KAT2B: variants seen among roughly 807,000 people sequenced by gnomAD.
KAT2B encodes the protein lysine acetyltransferase 2B, also known as histone acetyltransferase KAT2B.
In KAT2B, 36 loss-of-function variants were observed where a neutral mutation model predicts 105.9. The ratio of observed to expected loss-of-function variants is 0.34; its 90% CI spans 0.26 to 0.45. The LOEUF (loss-of-function observed/expected upper bound fraction) is 0.45, where lower values mean the gene tolerates loss of function less well. Among genes scored for constraint, KAT2B ranks in the 20% least tolerant of loss-of-function variants. KAT2B has a pLI of 1.00. For missense variants in KAT2B, 820 were observed against 1,021.6 expected (o/e 0.80, Z 2.69); for synonymous variants, 397 against 377.9 (o/e 1.05, Z -0.59).
chr3:20,042,568 C>T (rs1697738886), intron 1 of KAT2B, among the ~76,000 whole-genome samples: 1 of 152,236 alleles, frequency 6.6e-6, no homozygotes, highest in African/African-American at 2.4e-5. Context: ...AGGTCAATTA[C>T]TTGGTGGCCT....
intron 3 of KAT2B, among the ~76,000 whole-genome samples, chr3:20,098,101 T>C (rs7647946): frequency 0.4 from 60,618 of 151,494 alleles, 12,680 homozygotes; most frequent in East Asian, 0.64. Context: ...TGGTTGTGTG[T>C]ACCTGTAAAT....
At chr3:20,144,956 C>A (rs1032912221) in intron 13 of KAT2B, among the ~76,000 whole-genome samples, 5 of 152,120 alleles carry the variant, frequency 3.3e-5, no homozygotes, top group South Asian at 4.2e-4. Flanking sequence ...CTACCATGCC[C>A]AGCCCATTTT....
At chr3:20,053,560 T>C (rs1697952538) in intron 1 of KAT2B, among the ~76,000 whole-genome samples, 1 of 151,896 alleles carries the variant, frequency 6.6e-6, no homozygotes. Context: ...ACAAAAAAAC[T>C]CAGGAAGGTA....
In KAT2B at chr3:20,137,024, A is replaced by T. The variant is rs1699614136; in HGVS notation, c.1832A>T (p.Glu611Val). The T allele has an allele frequency of 1.9e-6, 3 of 1,586,396 alleles. No individual in the cohort carries two copies. In the East Asian group the frequency reaches 6.7e-5, roughly 36 times the overall value. ...CTGAACTTCCTCACATATGCAGATG[A>T]ATATGCAATTGGATACTTTAAGAAA... ...DILNFLTYADEYAIGYFKKQG... is the reference protein window; with the variant it reads ...DILNFLTYADVYAIGYFKKQG... The change falls in exon 12 of 18, where the codon GAA (glutamate) becomes GTA (valine). Residue 611 changes from glutamate to valine, a missense_variant. Around this residue, in one of 6 missense-constraint regions of KAT2B, gnomAD observed 227 missense variants for 292.9 expected, o/e 0.77. Transcript: ENST00000263754.
In KAT2B at chr3:20,070,308, TC is replaced by T. The variant is rs1393646646; in HGVS notation, c.304-2024del. Among the ~76,000 whole-genome samples, 16 of 110,746 alleles carry T rather than the reference TC, an allele frequency of 1.4e-4. No homozygotes were observed. In the East Asian group the frequency reaches 1.6e-3, roughly 11 times the overall value. 72.7% of individuals were successfully genotyped at this position (110,746 alleles called of 152,430 possible). A position where few individuals can be genotyped will look rare whatever the true frequency, so the allele number is the denominator to read the frequency against. ...GTTTATTCTCTTTTCTTTCTTTCTT[TC>T]TTTTTTTTTTTTTTGAGATGGAGTC... On this transcript the variant is annotated intron_variant, in intron 1 of 17. Transcript: ENST00000263754.
chr3:20,104,631 A>C (rs1443213695), intron 5 of KAT2B, among the ~76,000 whole-genome samples: 1 of 152,216 alleles, frequency 6.6e-6, no homozygotes, highest in African/African-American at 2.4e-5. Context: ...GGTTCAGCTT[A>C]TAACTTACAG....
At position 20,153,386 on chromosome 3, in the gene KAT2B, A is replaced by G. The variant is rs1699900282; in HGVS notation, c.*861A>G. 1 of 152,296 alleles carries G rather than the reference A, an allele frequency of 6.6e-6. No homozygotes were observed. Among genetic ancestry groups the G allele is most frequent in the South Asian group, 2.1e-4 (1 of 4,832 alleles). The allele number at this position is 152,296 out of a possible 1,614,324, so 9.4% of individuals were successfully genotyped here. A position where few individuals can be genotyped will look rare whatever the true frequency, so the allele number is the denominator to read the frequency against. The stretch of plus-strand genomic sequence containing the variant: ...ATAGGAAAAGATGTATGGTCTATAT[A>G]TGTATCAATCTGGTGAATCCTCGTT... On this transcript the variant is annotated 3_prime_UTR_variant, in exon 18 of 18. Transcript: ENST00000263754.
chr3:20,048,143 G>GT (rs1243246605), intron 1 of KAT2B, among the ~76,000 whole-genome samples: 1 of 152,090 alleles, frequency 6.6e-6, no homozygotes, highest in African/African-American at 2.4e-5. Context: ...CTAAAATGCG[G>GT]TAAGTGTCAT....
At chr3:20,116,138 A>G (rs1699203370) in intron 7 of KAT2B, among the ~76,000 whole-genome samples, 1 of 151,638 alleles carries the variant, frequency 6.6e-6, no homozygotes. Flanking sequence ...CAAAACCTGT[A>G]GTGCTTTGGG....
chr3:20,122,146 C>T (rs955760935), intron 8 of KAT2B, among the ~76,000 whole-genome samples: 1 of 152,076 alleles, frequency 6.6e-6, no homozygotes, highest in African/African-American at 2.4e-5. Context: ...ATCAGTAAGG[C>T]TCTTACTGAT....
chr3:20,128,451 C>T (rs1333320846), intron 11 of KAT2B, among the ~76,000 whole-genome samples: 1 of 151,974 alleles, frequency 6.6e-6, no homozygotes, highest in Non-Finnish European at 1.5e-5. Context: ...AGAAGTTATT[C>T]CTGTAGGGTT....
At chr3:20,137,848 G>GT (rs1699629533) in intron 12 of KAT2B, among the ~76,000 whole-genome samples, 1 of 152,146 alleles carries the variant, frequency 6.6e-6, no homozygotes, top group Admixed American at 6.6e-5. Context: ...CTTATCAGAA[G>GT]TTTTCAGCTC....
chr3:20,063,716 T>C (rs1698178564), intron 1 of KAT2B, among the ~76,000 whole-genome samples: 1 of 151,022 alleles, frequency 6.6e-6, no homozygotes, highest in Non-Finnish European at 1.5e-5. Flanking sequence ...TTAATTTTTG[T>C]ATTTTTAGTA....
intron 1 of KAT2B, among the ~76,000 whole-genome samples, chr3:20,064,038 G>A (rs1233229232): frequency 6.6e-6 from 1 of 152,080 alleles, no homozygotes; most frequent in Non-Finnish European, 1.5e-5. Flanking sequence ...ATCTGTGAGG[G>A]TTTATTTCTG....
In KAT2B at chr3:20,062,125, T is replaced by TA. The variant is rs1369308439; in HGVS notation, c.304-10207dup. 7.8e-4 allele frequency among the ~76,000 whole-genome samples: 58 copies of TA among 73,958 alleles called. 5 individuals carry two copies. The highest frequency in any genetic ancestry group is 3.2e-3 in the African/African-American group (54 of 16,822). The allele number at this position is 73,958 out of a possible 152,430, so 48.5% of individuals were successfully genotyped here. On this transcript the variant is annotated intron_variant, in intron 1 of 17. Transcript: ENST00000263754. Reference sequence around the variant, plus strand: ...TATAATATATATTATATAAAACATATATATATAAAATATATAATATATAAA... The same window carrying TA: ...TATAATATATATTATATAAAACATATAATATATAAAATATATAATATATAAA...
At chr3:20,128,246 G>A (rs1054062848) in intron 11 of KAT2B, among the ~76,000 whole-genome samples, 3 of 152,194 alleles carry the variant, frequency 2.0e-5, no homozygotes, top group Non-Finnish European at 4.4e-5. Flanking sequence ...ACGCAAACAT[G>A]TAATCACAAT....
intron 1 of KAT2B, among the ~76,000 whole-genome samples, chr3:20,053,794 T>TTTTTA (rs1243134649): frequency 1.3e-5 from 2 of 152,154 alleles, no homozygotes; most frequent in African/African-American, 2.4e-5. Flanking sequence ...TTTTTATTTA[T>TTTTTA]TTTTATTTTA....
chr3:20,108,559 A>T (rs1449853871), intron 5 of KAT2B, among the ~76,000 whole-genome samples: 1 of 152,220 alleles, frequency 6.6e-6, no homozygotes, highest in African/African-American at 2.4e-5. Flanking sequence ...GTTTAGGTAT[A>T]TTTAGATATA....
intron 1 of KAT2B, among the ~76,000 whole-genome samples, chr3:20,057,992 G>A (rs932005469): frequency 6.6e-6 from 1 of 152,194 alleles, no homozygotes; most frequent in African/African-American, 2.4e-5. Flanking sequence ...AGTAACCATG[G>A]AGAGCATAGA....
Sources: gnomAD v4.1 joint callset for allele counts (sites outside exome capture counted in the v4.1 genomes callset) on GRCh38, gnomAD v4.1.1 for gene constraint, gnomAD v4.1.1 regional missense constraint, MANE v1.5 for transcripts, NCBI Gene and HGNC (gene_info 2026-07-23, HGNC 2026-07-21) for gene names.